WWOX: variants seen among roughly 807,000 people sequenced by gnomAD.
WWOX encodes WW domain containing oxidoreductase.
A neutral mutation model predicts 46.2 loss-of-function variants in WWOX; 69 were observed. The ratio of observed to expected loss-of-function variants is 1.49; its 90% CI spans 1.23 to 1.82. WWOX has a LOEUF of 1.82. Ranked by LOEUF, WWOX falls within the 40% of genes most tolerant of loss-of-function variation. The pLI is 0.00. For synonymous variants in WWOX, 359 were observed against 202.6 expected (o/e 1.77, Z -6.56); for missense variants, 919 against 542.6 (o/e 1.69, Z -6.89).
intron 5 of WWOX, among the ~76,000 whole-genome samples, chr16:78,374,199 C>A (rs1269511653): frequency 6.6e-6 from 1 of 152,164 alleles, no homozygotes. Context: ...CCCTTTCTTC[C>A]TTTCTGTCTT....
At chr16:78,854,785 T>C (rs533802516) in intron 8 of WWOX, among the ~76,000 whole-genome samples, 4 of 152,332 alleles carry the variant, frequency 2.6e-5, no homozygotes, top group South Asian at 2.1e-4. Flanking sequence ...TTCACCACTT[T>C]TGGCCAGGCT....
chr16:78,952,848 C>T (rs138150505), intron 8 of WWOX, among the ~76,000 whole-genome samples: 1 of 152,252 alleles, frequency 6.6e-6, no homozygotes, highest in African/African-American at 2.4e-5. Context: ...GTGAATAAAT[C>T]TGCGCTTTAG....
At chr16:78,738,340 A>T (rs1375200901) in intron 8 of WWOX, among the ~76,000 whole-genome samples, 1 of 152,140 alleles carries the variant, frequency 6.6e-6, no homozygotes, top group Non-Finnish European at 1.5e-5. Context: ...TCAGTATGGT[A>T]ATAATTAGGC....
At chr16:78,600,235 G>A (rs1166029331) in intron 8 of WWOX, among the ~76,000 whole-genome samples, 1 of 151,992 alleles carries the variant, frequency 6.6e-6, no homozygotes, top group African/African-American at 2.4e-5. Flanking sequence ...TGGGAATTGT[G>A]GGAGCGACAG....
intron 8 of WWOX, among the ~76,000 whole-genome samples, chr16:78,492,239 A>G (rs1186491650): frequency 6.6e-6 from 1 of 152,196 alleles, no homozygotes; most frequent in African/African-American, 2.4e-5. Flanking sequence ...CTGAGCCACA[A>G]GGCAGTAGAG....
intron 8 of WWOX, among the ~76,000 whole-genome samples, chr16:78,592,622 A>AAGGCCTGGCATATTTTGGC (rs2045377886): frequency 6.6e-6 from 1 of 152,206 alleles, no homozygotes; most frequent in Non-Finnish European, 1.5e-5. Flanking sequence ...GCTGGAAGAC[A>AAGGCCTGGCATATTTTGGC]AGGCCTGGCA....
At chr16:78,824,487 C>T (rs982946410) in intron 8 of WWOX, among the ~76,000 whole-genome samples, 3 of 152,130 alleles carry the variant, frequency 2.0e-5, no homozygotes, top group Non-Finnish European at 2.9e-5. Context: ...CAAAGTACTT[C>T]AGGGCCTGTA....
intron 8 of WWOX, among the ~76,000 whole-genome samples, chr16:78,904,556 G>A (rs2044912135): frequency 6.6e-6 from 1 of 151,952 alleles, no homozygotes; most frequent in African/African-American, 2.4e-5. Flanking sequence ...TTTCTGGGTG[G>A]GGCATGGTCA....
intron 8 of WWOX, among the ~76,000 whole-genome samples, chr16:78,869,665 G>A (rs1284156543): frequency 6.6e-6 from 1 of 152,200 alleles, no homozygotes; most frequent in Non-Finnish European, 1.5e-5. Context: ...TGGACGTGGG[G>A]AGTGGTGGCC....
intron 8 of WWOX, among the ~76,000 whole-genome samples, chr16:78,700,357 A>G (rs1457783609): frequency 8.5e-6 from 1 of 117,890 alleles, no homozygotes; most frequent in East Asian, 2.7e-4. Flanking sequence ...AGAGAGAGAG[A>G]GAGACCATCT....
chr16:78,920,876 G>A (rs184082708), intron 8 of WWOX, among the ~76,000 whole-genome samples: 1 of 152,324 alleles, frequency 6.6e-6, no homozygotes, highest in Admixed American at 6.5e-5. Context: ...TGAGCTCGAT[G>A]AGCAAATGAT....
intron 8 of WWOX, among the ~76,000 whole-genome samples, chr16:78,681,813 G>A (rs528777294): frequency 2.0e-5 from 3 of 152,208 alleles, no homozygotes; most frequent in Non-Finnish European, 2.9e-5. Flanking sequence ...TACTCTCTAA[G>A]TCAGGGCTTC....
intron 8 of WWOX, chr16:78,552,492 C>T (rs923270662): frequency 6.6e-6 from 1 of 152,240 alleles, no homozygotes; most frequent in Non-Finnish European, 1.5e-5. Context: ...GTTCACTTCT[C>T]TGCTGGTTTT....
In WWOX at chr16:79,212,063, G is replaced by C. The variant is rs543274675; in HGVS notation, c.*267G>C. 176 of 1,536,430 alleles carry C rather than the reference G, an allele frequency of 1.1e-4. 1 individual carries two copies. The highest frequency in any genetic ancestry group is 1.1e-3 in the South Asian group (92 of 84,060). Reference sequence around the variant, plus strand: ...CTGTTTGAAAGTAAAAACCTGCTTGGTGTGTAGGTTCCGTATCTCCCTGGA... The same window carrying C: ...CTGTTTGAAAGTAAAAACCTGCTTGCTGTGTAGGTTCCGTATCTCCCTGGA... On this transcript the variant is annotated 3_prime_UTR_variant, in exon 9 of 9. Transcript: ENST00000566780.
chr16:78,204,971 TA>T (rs1353382363), intron 5 of WWOX, among the ~76,000 whole-genome samples: 1 of 152,234 alleles, frequency 6.6e-6, no homozygotes, highest in Non-Finnish European at 1.5e-5. Flanking sequence ...AATTAAAAGT[TA>T]TTTGGGATAT....
intron 8 of WWOX, among the ~76,000 whole-genome samples, chr16:78,951,499 T>G (rs2046058977): frequency 6.9e-6 from 1 of 145,010 alleles, no homozygotes; most frequent in Admixed American, 6.9e-5. Context: ...GACTGTGAGG[T>G]ATGAAGTACC....
At chr16:78,860,499 A>G (rs1434098830) in intron 8 of WWOX, among the ~76,000 whole-genome samples, 1 of 140,328 alleles carries the variant, frequency 7.1e-6, no homozygotes, top group Non-Finnish European at 1.7e-5. Context: ...ATTCAAAGAA[A>G]AAAGAAGGAA....
chr16:78,791,535 T>A (rs1398500763), intron 8 of WWOX, among the ~76,000 whole-genome samples: 1 of 152,148 alleles, frequency 6.6e-6, no homozygotes, highest in Non-Finnish European at 1.5e-5. Flanking sequence ...TGGGTTTCAC[T>A]GCTCTAAGGA....
At chr16:79,131,138 G>T (rs537810200) in intron 8 of WWOX, among the ~76,000 whole-genome samples, 1 of 152,084 alleles carries the variant, frequency 6.6e-6, no homozygotes, top group Non-Finnish European at 1.5e-5. Context: ...CCTGCCTCCC[G>T]GGCCTTCCTT....
Sources: gnomAD v4.1 joint callset for allele counts (sites outside exome capture counted in the v4.1 genomes callset) on GRCh38, gnomAD v4.1.1 for gene constraint, MANE v1.5 for transcripts, NCBI Gene and HGNC (gene_info 2026-07-23, HGNC 2026-07-21) for gene names.